The following GRIP1 variants were observed in gnomAD, a reference collection of about 807,000 sequenced individuals.
The protein encoded by GRIP1 is glutamate receptor-interacting protein 1.
In GRIP1, 45 loss-of-function variants were observed where a neutral mutation model predicts 129.9. The ratio of observed to expected loss-of-function variants is 0.35; its 90% CI spans 0.27 to 0.44. The LOEUF (loss-of-function observed/expected upper bound fraction) is 0.44, where lower values mean the gene tolerates loss of function less well. Among genes scored for constraint, GRIP1 ranks in the 20% least tolerant of loss-of-function variants. GRIP1 has a pLI of 1.00. For synonymous variants in GRIP1, 530 were observed against 520.8 expected, an observed-to-expected ratio of 1.02 and a Z score of -0.24; for missense variants, 1,196 against 1,396.8, an observed-to-expected ratio of 0.86 and a Z score of 2.29.
At chr12:66,756,249 C>CT (rs2037284319) in intron 1 of GRIP1, among the ~76,000 whole-genome samples, 1 of 152,170 alleles carries the variant, frequency 6.6e-6, no homozygotes, top group Non-Finnish European at 1.5e-5. Context: ...AGTTTCACTA[C>CT]TTTAGACACC....
chr12:66,777,956 T>C (rs1313772448), intron 1 of GRIP1, among the ~76,000 whole-genome samples: 1 of 152,132 alleles, frequency 6.6e-6, no homozygotes, highest in Non-Finnish European at 1.5e-5. Flanking sequence ...CACTAGCCAC[T>C]CATAGCTAAT....
chr12:66,568,025 G>T (rs1348547643), intron 2 of GRIP1: 2 of 208,738 alleles, frequency 9.6e-6, no homozygotes, highest in Non-Finnish European at 2.0e-5. Context: ...ATTAGGTCCA[G>T]ATATCACCAA....
At chr12:66,546,828 A>G (rs2061961695) in intron 2 of GRIP1, among the ~76,000 whole-genome samples, 1 of 151,746 alleles carries the variant, frequency 6.6e-6, no homozygotes, top group Non-Finnish European at 1.5e-5. Context: ...AACAGGATAA[A>G]AATTTTAAGA....
chr12:66,666,926 T>A (rs1169254646), intron 1 of GRIP1, among the ~76,000 whole-genome samples: 1 of 152,082 alleles, frequency 6.6e-6, no homozygotes, highest in Non-Finnish European at 1.5e-5. Flanking sequence ...ACGAAGTTGA[T>A]TCTAATTCCT....
intron 1 of GRIP1, among the ~76,000 whole-genome samples, chr12:66,988,157 T>C (rs986286319): frequency 6.6e-6 from 1 of 152,194 alleles, no homozygotes; most frequent in Non-Finnish European, 1.5e-5. Context: ...CAAACAATAA[T>C]CTTTCTTGAT....
intron 1 of GRIP1, among the ~76,000 whole-genome samples, chr12:66,673,870 C>T (rs930453696): frequency 6.6e-6 from 1 of 152,108 alleles, no homozygotes; most frequent in Non-Finnish European, 1.5e-5. Flanking sequence ...TCCAATAAAA[C>T]AAGACAGACT....
At chr12:66,583,088 T>C (rs1463455329) in intron 2 of GRIP1, among the ~76,000 whole-genome samples, 1 of 151,698 alleles carries the variant, frequency 6.6e-6, no homozygotes, top group East Asian at 1.9e-4. Flanking sequence ...AACAGAGCCC[T>C]CAGAAATAAC....
chr12:66,372,016 G>C, intron 22 of GRIP1, 89 bp from the exon 23 acceptor site: 1 of 870,424 alleles, frequency 1.1e-6, no homozygotes, highest in South Asian at 1.4e-5. Context: ...CTCCTTCTGC[G>C]AGGTAAAAAT....
intron 1 of GRIP1, among the ~76,000 whole-genome samples, chr12:66,828,093 G>A (rs1471539159): frequency 2.0e-5 from 3 of 152,156 alleles, no homozygotes; most frequent in Admixed American, 2.0e-4. Flanking sequence ...CCAAATACTA[G>A]TCCCAAGATG....
intron 16 of GRIP1, among the ~76,000 whole-genome samples, chr12:66,404,795 G>A (rs1274763280): frequency 6.6e-6 from 1 of 152,140 alleles, no homozygotes; most frequent in Non-Finnish European, 1.5e-5. Flanking sequence ...ACTTTGGGAG[G>A]CCGAGGTGGG....
rs1565984077 is a variant in GRIP1, at chr12:66,716,501, T to TA, written c.-419-86166dup. ...GTTACTTTAGGTTTCTTTTTTTTTT[T>TA]AATTTTAATAAATTTTGAAAAAAAA... On this transcript the variant is annotated intron_variant, in intron 1 of 4. Transcript: ENST00000538373. Among the ~76,000 whole-genome samples the TA allele has an allele frequency of 3.3e-5, 5 of 151,466 alleles. No individual in the cohort carries two copies. The South Asian group carries it at 8.3e-4, about 25-fold the overall frequency.
upstream of GRIP1, among the ~76,000 whole-genome samples, chr12:66,808,864 A>G (rs2039049412): frequency 6.6e-6 from 1 of 152,248 alleles, no homozygotes; most frequent in African/African-American, 2.4e-5. Context: ...TGTTGTGAAC[A>G]ATGGTTGAAG....
At chr12:66,962,074 T>C (rs1397153324) in intron 1 of GRIP1, among the ~76,000 whole-genome samples, 1 of 152,154 alleles carries the variant, frequency 6.6e-6, no homozygotes. Flanking sequence ...AAATAGCATA[T>C]ATATATTTAT....
chr12:66,775,798 G>T (rs533837270), intron 1 of GRIP1, among the ~76,000 whole-genome samples: 1 of 152,226 alleles, frequency 6.6e-6, no homozygotes, highest in African/African-American at 2.4e-5. Flanking sequence ...TTGATATTCT[G>T]TGATATACTG....
intron 1 of GRIP1, among the ~76,000 whole-genome samples, chr12:66,617,152 G>A (rs1216584782): frequency 6.7e-6 from 1 of 148,880 alleles, no homozygotes; most frequent in Non-Finnish European, 1.5e-5. Context: ...TGGGGGAGGT[G>A]AAGAGAGTTA....
At chr12:66,945,166 T>C (rs934771591) in intron 1 of GRIP1, among the ~76,000 whole-genome samples, 1 of 152,194 alleles carries the variant, frequency 6.6e-6, no homozygotes, top group Non-Finnish European at 1.5e-5. Flanking sequence ...ATTTACTTTT[T>C]CAAAAAACTT....
intron 1 of GRIP1, among the ~76,000 whole-genome samples, chr12:66,775,888 C>T (rs993933752): frequency 3.3e-5 from 5 of 152,200 alleles, no homozygotes; most frequent in Admixed American, 1.3e-4. Flanking sequence ...TTTTCTTTCC[C>T]GCAGGGCTTC....
At chr12:66,664,948 G>C (rs576594063) in intron 1 of GRIP1, among the ~76,000 whole-genome samples, 1 of 151,058 alleles carries the variant, frequency 6.6e-6, no homozygotes, top group South Asian at 2.1e-4. Flanking sequence ...TCTTTTTACT[G>C]CTTCAGTTTC....
intron 11 of GRIP1, 92 bp downstream of exon 11, chr12:66,455,317 G>T: frequency 8.3e-7 from 1 of 1,201,422 alleles, no homozygotes; most frequent in Non-Finnish European, 1.2e-6. Context: ...AAGCAACTGT[G>T]AAACACTCTT....
Sources: gnomAD v4.1 joint callset for allele counts (sites outside exome capture counted in the v4.1 genomes callset) on GRCh38, gnomAD v4.1.1 for gene constraint, MANE v1.5 for transcripts, NCBI Gene and HGNC (gene_info 2026-07-23, HGNC 2026-07-21) for gene names.